Variants in CDH12 observed in about 807,000 individuals in gnomAD.
The protein encoded by CDH12 is cadherin 12.
A neutral mutation model predicts 74.1 loss-of-function variants in CDH12; 41 were observed. The ratio of observed to expected loss-of-function variants is 0.55; its 90% CI spans 0.43 to 0.72. CDH12 has a LOEUF of 0.72. CDH12 is among the 30% of genes least tolerant of loss of function. CDH12 has a pLI of 0.00. For synonymous variants in CDH12, 399 were observed against 355.0 expected, an observed-to-expected ratio of 1.12 and a Z score of -1.39; for missense variants, 945 against 977.2, an observed-to-expected ratio of 0.97 and a Z score of 0.44.
At position 22,059,318 on chromosome 5, in the gene CDH12, C is replaced by T. The variant is rs951454586; in HGVS notation, c.231+19128G>A. ...ATCATCTATCTATCTATCATCTATC[C>T]ATCTATCGTCTATCTATCATCTATC... On this transcript the variant is annotated intron_variant, in intron 5 of 14. Coordinates refer to ENST00000382254, the MANE Select transcript of CDH12 (RefSeq NM_004061.5). 8.1e-3 allele frequency among the ~76,000 whole-genome samples: 1,154 copies of T among 142,610 alleles called. 10 individuals are homozygous for T. The highest frequency in any genetic ancestry group is 0.01 in the South Asian group (45 of 4,382). 93.6% of individuals were successfully genotyped at this position (142,610 alleles called of 152,430 possible).
At chr5:22,460,287 A>G (rs1301437344) in intron 2 of CDH12, among the ~76,000 whole-genome samples, 1 of 152,204 alleles carries the variant, frequency 6.6e-6, no homozygotes. Context: ...TTACAGTCCC[A>G]GACTTATTCA....
intron 1 of CDH12, among the ~76,000 whole-genome samples, chr5:22,672,012 T>A (rs1340650844): frequency 1.4e-5 from 2 of 142,314 alleles, no homozygotes; most frequent in Admixed American, 7.3e-5. Flanking sequence ...CATTTATATA[T>A]ATGAAATATA....
chr5:22,121,041 A>G (rs1356318680), intron 4 of CDH12, among the ~76,000 whole-genome samples: 9 of 152,222 alleles, frequency 5.9e-5, no homozygotes, highest in Non-Finnish European at 1.5e-5. Context: ...CAAAATTATA[A>G]GATTATGAAG....
At chr5:22,518,166 C>T (rs1736886921) in intron 1 of CDH12, among the ~76,000 whole-genome samples, 1 of 152,154 alleles carries the variant, frequency 6.6e-6, no homozygotes, top group Non-Finnish European at 1.5e-5. Context: ...ATCACAAATA[C>T]AAGTAGACAA....
chr5:21,999,642 G>A (rs942182866), intron 5 of CDH12, among the ~76,000 whole-genome samples: 2 of 151,824 alleles, frequency 1.3e-5, no homozygotes, highest in African/African-American at 4.8e-5. Flanking sequence ...GGAACTTCAA[G>A]TCTAGTGTAC....
intron 3 of CDH12, among the ~76,000 whole-genome samples, chr5:22,314,941 CT>C (rs759734847): frequency 3.8e-4 from 26 of 67,756 alleles, no homozygotes; most frequent in South Asian, 2.6e-3. Context: ...CTGGGTTGGT[CT>C]TTTTTTTTTT....
chr5:22,529,031 A>G (rs1737418813), intron 1 of CDH12, among the ~76,000 whole-genome samples: 1 of 151,600 alleles, frequency 6.6e-6, no homozygotes, highest in South Asian at 2.1e-4. Context: ...CTGTATGCAT[A>G]TATGCATATA....
chr5:22,073,316 A>C (rs575174644), intron 5 of CDH12, among the ~76,000 whole-genome samples: 14 of 152,252 alleles, frequency 9.2e-5, no homozygotes, highest in African/African-American at 2.9e-4. Context: ...ATGACAACTC[A>C]ATTTCCTAAA....
chr5:22,249,052 T>C (rs1753051283), intron 3 of CDH12, among the ~76,000 whole-genome samples: 1 of 152,164 alleles, frequency 6.6e-6, no homozygotes, highest in Non-Finnish European at 1.5e-5. Flanking sequence ...TAATGATAAA[T>C]CTATATGCTC....
chr5:22,561,721 A>C (rs2126750498), intron 1 of CDH12, among the ~76,000 whole-genome samples: 1 of 152,312 alleles, frequency 6.6e-6, no homozygotes, highest in Admixed American at 6.5e-5. Context: ...GGAGCTAAAT[A>C]GAATCTGGAA....
intron 3 of CDH12, among the ~76,000 whole-genome samples, chr5:22,328,862 T>G (rs1739231455): frequency 6.6e-6 from 1 of 152,196 alleles, no homozygotes; most frequent in South Asian, 2.1e-4. Flanking sequence ...GATGTAGGAC[T>G]TTTTTGCATA....
intron 1 of CDH12, among the ~76,000 whole-genome samples, chr5:22,561,205 A>T (rs995866007): frequency 4.6e-5 from 7 of 152,174 alleles, no homozygotes; most frequent in African/African-American, 1.4e-4. Context: ...ATTTGGAGAC[A>T]TTCAACTTTC....
At chr5:22,431,743 T>C (rs747585443) in intron 2 of CDH12, among the ~76,000 whole-genome samples, 2 of 152,200 alleles carry the variant, frequency 1.3e-5, no homozygotes, top group Non-Finnish European at 2.9e-5. Context: ...TGTTTGTGTC[T>C]TTATTTTTAA....
chr5:22,380,386 G>T (rs980425426), intron 3 of CDH12, among the ~76,000 whole-genome samples: 2 of 152,042 alleles, frequency 1.3e-5, no homozygotes, highest in Non-Finnish European at 2.9e-5. Flanking sequence ...AACTCTCTCT[G>T]AGAGAAATTC....
chr5:22,471,019 T>A (rs1019740151), intron 2 of CDH12, among the ~76,000 whole-genome samples: 1 of 152,196 alleles, frequency 6.6e-6, no homozygotes, highest in East Asian at 1.9e-4. Context: ...GGAATCCAGC[T>A]AGATTTCTCT....
chr5:22,785,178 T>C (rs1747562735), intron 1 of CDH12, among the ~76,000 whole-genome samples: 1 of 152,136 alleles, frequency 6.6e-6, no homozygotes, highest in African/African-American at 2.4e-5. Flanking sequence ...TCTGAGTCTG[T>C]GATCAAGTAA....
At chr5:22,202,881 T>A (rs972817169) in intron 4 of CDH12, among the ~76,000 whole-genome samples, 9 of 152,228 alleles carry the variant, frequency 5.9e-5, no homozygotes, top group Non-Finnish European at 1.3e-4. Context: ...TGACTTTCTC[T>A]CCCTTCAACT....
chr5:21,780,409 C>A (rs1009708582), intron 11 of CDH12, among the ~76,000 whole-genome samples: 1 of 152,120 alleles, frequency 6.6e-6, no homozygotes, highest in African/African-American at 2.4e-5. Flanking sequence ...TGTCTTCAAT[C>A]CCATAATTGC....
chr5:22,422,081 C>A (rs1039912370), intron 2 of CDH12, among the ~76,000 whole-genome samples: 5 of 152,080 alleles, frequency 3.3e-5, no homozygotes, highest in African/African-American at 7.2e-5. Flanking sequence ...CTTTCTCTTG[C>A]CTGATGGCCA....
Sources: allele counts gnomAD v4.1 joint callset (sites outside exome capture counted in the v4.1 genomes callset), GRCh38; gene constraint gnomAD v4.1.1; transcripts MANE v1.5; gene names NCBI Gene and HGNC (gene_info 2026-07-23, HGNC 2026-07-21).